CTNNA3: variants seen among roughly 807,000 people sequenced by gnomAD.
The protein encoded by CTNNA3 is catenin alpha 3.
A neutral mutation model predicts 95.7 loss-of-function variants in CTNNA3; 76 were observed. That is an observed-to-expected ratio of 0.79 (90% CI 0.66 to 0.96). CTNNA3 has a LOEUF of 0.96. CTNNA3 is among the 40% of genes least tolerant of loss of function. The probability of loss-of-function intolerance (pLI) is 0.00; values close to 1 mark genes in which losing one functional copy is unlikely to be tolerated. For synonymous variants in CTNNA3, 431 were observed against 374.4 expected (o/e 1.15, Z -1.74); for missense variants, 1,191 against 1,089.8 (o/e 1.09, Z -1.31).
intron 16 of CTNNA3, among the ~76,000 whole-genome samples, chr10:65,966,997 C>A (rs958538758): frequency 6.6e-6 from 1 of 152,102 alleles, no homozygotes; most frequent in African/African-American, 2.4e-5. Context: ...CGCTCTGTTG[C>A]CCAGGCTGGA....
intron 12 of CTNNA3, among the ~76,000 whole-genome samples, chr10:66,281,987 A>G (rs2132163153): frequency 6.6e-6 from 1 of 152,004 alleles, no homozygotes; most frequent in South Asian, 2.1e-4. Context: ...TAAATTCATT[A>G]GCCTCAAATT....
At chr10:66,349,689 G>C (rs868647549) in intron 12 of CTNNA3, among the ~76,000 whole-genome samples, 4 of 152,052 alleles carry the variant, frequency 2.6e-5, no homozygotes, top group Non-Finnish European at 2.9e-5. Context: ...AATACCCAAA[G>C]AGATTCAAAA....
chr10:67,439,743 A>G (rs895738228), intron 5 of CTNNA3, among the ~76,000 whole-genome samples: 6 of 152,146 alleles, frequency 3.9e-5, no homozygotes, highest in Non-Finnish European at 8.8e-5. Context: ...CCCAGAAGGG[A>G]GCCTGCTACC....
At chr10:66,762,887 A>G (rs532767981) in intron 9 of CTNNA3, among the ~76,000 whole-genome samples, 63 of 152,172 alleles carry the variant, frequency 4.1e-4, no homozygotes, top group African/African-American at 1.4e-3. Context: ...TTTAAGTCTT[A>G]CTTCAACATG....
At chr10:65,996,969 C>T (rs1382077222) in intron 15 of CTNNA3, among the ~76,000 whole-genome samples, 2 of 152,064 alleles carry the variant, frequency 1.3e-5, no homozygotes, top group Non-Finnish European at 2.9e-5. Context: ...ATCTTGGAGT[C>T]CTGTTCCAAT....
intron 5 of CTNNA3, among the ~76,000 whole-genome samples, chr10:67,306,319 G>A (rs566858058): frequency 6.6e-6 from 1 of 152,286 alleles, no homozygotes; most frequent in South Asian, 2.1e-4. Flanking sequence ...TATTGAGTAA[G>A]AGACACTACT....
At chr10:67,503,344 G>A (rs1309428920) in intron 5 of CTNNA3, among the ~76,000 whole-genome samples, 1 of 152,154 alleles carries the variant, frequency 6.6e-6, no homozygotes, top group Non-Finnish European at 1.5e-5. Context: ...ACCTCAGTTG[G>A]AAATGCAGAA....
At chr10:67,042,095 T>C (rs1003039289) in intron 7 of CTNNA3, among the ~76,000 whole-genome samples, 2 of 152,104 alleles carry the variant, frequency 1.3e-5, no homozygotes, top group East Asian at 3.9e-4. Flanking sequence ...TTTAGACTTT[T>C]TAATAAACAG....
chr10:66,382,854 T>C (rs1385129505), intron 11 of CTNNA3, among the ~76,000 whole-genome samples: 2 of 152,028 alleles, frequency 1.3e-5, no homozygotes, highest in Non-Finnish European at 2.9e-5. Flanking sequence ...AGGGACCTGA[T>C]AGAAGGAAAA....
chr10:66,663,925 A>G (rs1564603794), intron 9 of CTNNA3, among the ~76,000 whole-genome samples: 1 of 152,100 alleles, frequency 6.6e-6, no homozygotes, highest in African/African-American at 2.4e-5. Flanking sequence ...CTAGTTGGAC[A>G]AAGACTGCTA....
At chr10:66,607,913 T>C (rs1229844311) in intron 10 of CTNNA3, among the ~76,000 whole-genome samples, 1 of 152,128 alleles carries the variant, frequency 6.6e-6, no homozygotes, top group Non-Finnish European at 1.5e-5. Flanking sequence ...TGTCTCACCA[T>C]TCCTTACCTA....
intron 13 of CTNNA3, among the ~76,000 whole-genome samples, chr10:66,176,642 A>C (rs1005659861): frequency 6.6e-6 from 1 of 152,094 alleles, no homozygotes; most frequent in African/African-American, 2.4e-5. Flanking sequence ...TGATTAGGTC[A>C]TGAGGGATTA....
intron 12 of CTNNA3, among the ~76,000 whole-genome samples, chr10:66,361,128 T>C (rs1367857661): frequency 7.4e-6 from 1 of 135,290 alleles, no homozygotes; most frequent in African/African-American, 2.5e-5. Context: ...AGCTAAATTT[T>C]GAATTTTTTG....
At chr10:66,702,727 A>AAG (rs1847990123) in intron 9 of CTNNA3, among the ~76,000 whole-genome samples, 1 of 127,142 alleles carries the variant, frequency 7.9e-6, no homozygotes, top group African/African-American at 3.5e-5. Flanking sequence ...AAAAAAAAAA[A>AAG]GAATAAGTAG....
intron 9 of CTNNA3, among the ~76,000 whole-genome samples, chr10:66,633,492 A>T (rs556373698): frequency 1.1e-4 from 16 of 152,174 alleles, no homozygotes; most frequent in South Asian, 2.1e-4. Context: ...CATCCTGGCT[A>T]ACATGGTGAA....
intron 1 of CTNNA3, among the ~76,000 whole-genome samples, chr10:67,736,971 T>C (rs1460516089): frequency 6.6e-6 from 1 of 151,998 alleles, no homozygotes; most frequent in Non-Finnish European, 1.5e-5. Flanking sequence ...TATTTTAATT[T>C]TTTTTTGGGG....
chr10:67,569,986 T>C (rs928535961), intron 3 of CTNNA3, among the ~76,000 whole-genome samples: 2 of 152,102 alleles, frequency 1.3e-5, no homozygotes, highest in Admixed American at 1.3e-4. Flanking sequence ...CATATTAGCT[T>C]GCCCCTGCTT....
chr10:67,338,870 T>C (rs1904630), intron 5 of CTNNA3, among the ~76,000 whole-genome samples: 106,643 of 152,128 alleles, frequency 0.7, 42,269 homozygotes, highest in Non-Finnish European at 0.88. Flanking sequence ...CTGTAAACAT[T>C]TGTTTCCATG....
At chr10:67,145,492 G>A (rs978816281) in intron 7 of CTNNA3, among the ~76,000 whole-genome samples, 6 of 150,576 alleles carry the variant, frequency 4.0e-5, no homozygotes, top group South Asian at 2.1e-4. Context: ...GTGCAGTGGC[G>A]CAATCTCGAC....
Sources: allele counts gnomAD v4.1 joint callset (sites outside exome capture counted in the v4.1 genomes callset), GRCh38; gene constraint gnomAD v4.1.1; transcripts MANE v1.5; gene names NCBI Gene and HGNC (gene_info 2026-07-23, HGNC 2026-07-21).